Variants in MGST2 observed in about 807,000 individuals in gnomAD.
MGST2 encodes the protein glutathione peroxidase MGST2.
Under a neutral mutation model 16.6 loss-of-function variants are expected in MGST2, and 9 were observed. The observed-to-expected ratio is 0.54, with a 90% CI of 0.33 to 0.95. The LOEUF is 0.95. Among genes scored for constraint, MGST2 ranks in the 40% least tolerant of loss-of-function variants. The probability of loss-of-function intolerance (pLI) is 0.03; values close to 1 mark genes in which losing one functional copy is unlikely to be tolerated. For missense variants in MGST2, 159 were observed against 175.1 expected (o/e 0.91, Z 0.52); for synonymous variants, 79 against 68.0 (o/e 1.16, Z -0.79).
At chr4:139,722,502 A>C (rs1413506054) in intron 5 of MGST2, among the ~76,000 whole-genome samples, 1 of 152,196 alleles carries the variant, frequency 6.6e-6, no homozygotes, top group Admixed American at 6.5e-5. Context: ...TTATTGTGAG[A>C]CACTGTAATC....
At chr4:139,671,490 A>C (rs1730688936) in intron 1 of MGST2, among the ~76,000 whole-genome samples, 1 of 150,098 alleles carries the variant, frequency 6.7e-6, no homozygotes, top group African/African-American at 2.4e-5. Flanking sequence ...ATATTTTCAG[A>C]CCTACTGCTC....
intron 5 of MGST2, chr4:139,716,941 G>A (rs1320909955): frequency 6.6e-6 from 1 of 152,570 alleles, no homozygotes; most frequent in Non-Finnish European, 1.5e-5. Flanking sequence ...AGGTCATACA[G>A]TACAAATTAG....
chr4:139,698,582 C>G (rs1470561704), intron 3 of MGST2: 17 of 799,048 alleles, frequency 2.1e-5, no homozygotes, highest in Non-Finnish European at 3.2e-5. Context: ...ACTTACCCCC[C>G]TTCTCCTTCG....
chr4:139,707,070 CTTTAAG>C (rs1449379751), downstream of MGST2, among the ~76,000 whole-genome samples: 3 of 151,784 alleles, frequency 2.0e-5, no homozygotes, highest in African/African-American at 7.3e-5. Context: ...TATTATTATA[CTTTAAG>C]TTTTAGGGTA....
At chr4:139,684,926 T>C (rs1731478083) in intron 2 of MGST2, among the ~76,000 whole-genome samples, 1 of 151,874 alleles carries the variant, frequency 6.6e-6, no homozygotes, top group African/African-American at 2.4e-5. Context: ...GGCTCAGGAG[T>C]GGGAAGCAGA....
the MGST2 span, among the ~76,000 whole-genome samples, chr4:139,748,508 G>T: frequency 1.3e-5 from 2 of 152,304 alleles, no homozygotes; most frequent in Admixed American, 6.5e-5. Context: ...AAATGCATCA[G>T]TGGAAATGAG....
chr4:139,699,932 TGAGGTGAGAG>T (rs2110894172), intron 3 of MGST2, among the ~76,000 whole-genome samples: 1 of 152,124 alleles, frequency 6.6e-6, no homozygotes, highest in Admixed American at 6.5e-5. Context: ...CTTGGGAGGC[TGAGGTGAGAG>T]GAGCTCTCAA....
Position 139,703,501 on chromosome 4 carries a change from A to G in MGST2, c.276A>G (p.Leu92=), listed in dbSNP as rs139123354. ...LGLVYIYGRH[L]YFWGYSEAAK... ...TGGTGTACATATATGGCCGTCACCT[A>G]TACTTCTGGGGATATTCAGAAGCTG... The change falls in exon 4 of 5, where the codon CTA becomes CTG. Residue 92 remains leucine, a synonymous_variant. Transcript: ENST00000265498. The G allele has an allele frequency of 6.2e-7, 1 of 1,613,896 alleles. No homozygotes were observed. Among genetic ancestry groups the G allele is most frequent in the South Asian group, 1.1e-5 (1 of 91,070 alleles).
At chr4:139,684,286 G>T (rs1731430125) in intron 2 of MGST2, among the ~76,000 whole-genome samples, 1 of 152,128 alleles carries the variant, frequency 6.6e-6, no homozygotes, top group African/African-American at 2.4e-5. Context: ...GGAAAGACTT[G>T]CCTCCATGAT....
chr4:139,729,193 A>G (rs1728601663), intron 5 of MGST2, among the ~76,000 whole-genome samples: 1 of 150,108 alleles, frequency 6.7e-6, no homozygotes, highest in Admixed American at 6.6e-5. Flanking sequence ...AACATAAGTG[A>G]ACTGTGCTCA....
chr4:139,683,515 G>A (rs1731379151), intron 2 of MGST2, among the ~76,000 whole-genome samples: 1 of 152,080 alleles, frequency 6.6e-6, no homozygotes, highest in Non-Finnish European at 1.5e-5. Flanking sequence ...TATTTGGATT[G>A]TTTATGATTG....
At chr4:139,713,515 T>G in intron 5 of MGST2, among the ~76,000 whole-genome samples, 1 of 149,704 alleles carries the variant, frequency 6.7e-6, no homozygotes. Context: ...AATAATTCAG[T>G]TGACTGAGAA....
chr4:139,670,190 C>G (rs1481846628), intron 1 of MGST2, among the ~76,000 whole-genome samples: 1 of 132,406 alleles, frequency 7.6e-6, no homozygotes, highest in Non-Finnish European at 1.5e-5. Context: ...GTCACAAAGA[C>G]CTTGAGGCAG....
intron 2 of MGST2, among the ~76,000 whole-genome samples, chr4:139,679,847 A>G (rs1436873695): frequency 6.6e-6 from 1 of 152,010 alleles, no homozygotes; most frequent in Non-Finnish European, 1.5e-5. Context: ...TGGTTAAGTC[A>G]AGTGGAAAGT....
intron 5 of MGST2, among the ~76,000 whole-genome samples, chr4:139,736,620 G>A (rs1389123615): frequency 1.3e-5 from 2 of 152,208 alleles, no homozygotes; most frequent in East Asian, 3.8e-4. Flanking sequence ...TTCCCAGTAT[G>A]GGCAATTTGG....
chr4:139,719,511 G>A (rs1485080618), intron 5 of MGST2: 3 of 1,613,934 alleles, frequency 1.9e-6, no homozygotes, highest in East Asian at 4.5e-5. Flanking sequence ...TGGCTGCTTG[G>A]AGCAAAGCTG....
intron 5 of MGST2, among the ~76,000 whole-genome samples, chr4:139,721,284 G>T (rs1478423607): frequency 2.0e-5 from 3 of 152,176 alleles, no homozygotes; most frequent in Non-Finnish European, 4.4e-5. Flanking sequence ...TTTCCAAACA[G>T]CCAAGGGAAT....
chr4:139,719,457 T>G (rs1400046641), intron 5 of MGST2: 1 of 1,613,958 alleles, frequency 6.2e-7, no homozygotes, highest in Admixed American at 1.7e-5. Context: ...CCACTGTAAT[T>G]GTATGACACG....
At chr4:139,675,976 ATTAT>A (rs1040561058) in intron 1 of MGST2, among the ~76,000 whole-genome samples, 1 of 152,148 alleles carries the variant, frequency 6.6e-6, no homozygotes, top group African/African-American at 2.4e-5. Flanking sequence ...GGGAAGATCA[ATTAT>A]TTCTAAACTC....
Sources: allele counts gnomAD v4.1 joint callset (sites outside exome capture counted in the v4.1 genomes callset), GRCh38; gene constraint gnomAD v4.1.1; transcripts MANE v1.5; gene names NCBI Gene and HGNC (gene_info 2026-07-23, HGNC 2026-07-21).